The following FGD3 variants were observed in gnomAD, a reference collection of about 807,000 sequenced individuals.
FGD3 encodes the protein FYVE, RhoGEF and PH domain containing 3, also known as FYVE, RhoGEF and PH domain-containing protein 3.
In FGD3, 45 loss-of-function variants were observed where a neutral mutation model predicts 71.8. That is an observed-to-expected ratio of 0.63 (90% CI 0.49 to 0.80). FGD3 has a LOEUF of 0.80. Among genes scored for constraint, FGD3 ranks in the 30% least tolerant of loss-of-function variants. The probability of loss-of-function intolerance (pLI) is 0.00; values close to 1 mark genes in which losing one functional copy is unlikely to be tolerated. For synonymous variants in FGD3, 378 were observed against 392.8 expected (o/e 0.96, Z 0.44); for missense variants, 844 against 951.5 (o/e 0.89, Z 1.49).
chr9:92,996,333 A>C lies in FGD3; in HGVS notation c.454-6592A>C, dbSNP rs1241085018. Among the ~76,000 whole-genome samples, 4 of 152,180 alleles carry C rather than the reference A, an allele frequency of 2.6e-5. No homozygotes were observed. The East Asian group carries it at 5.8e-4, about 22-fold the overall frequency. ...TGGGATCGGTGGTGATATCCTCTTT[A>C]TCATTTTTTATTGCTATTTGATTTT... On this transcript the variant is annotated intron_variant, in intron 3 of 17. Transcript: ENST00000375482.
chr9:92,954,587 G>A (rs941119990), intron 1 of FGD3, among the ~76,000 whole-genome samples: 8 of 152,228 alleles, frequency 5.3e-5, no homozygotes, highest in African/African-American at 1.4e-4. Context: ...GAGGGTCTCT[G>A]CAGGCCAGAG....
At chr9:92,968,599 C>CTT (rs1564143464) in intron 1 of FGD3, among the ~76,000 whole-genome samples, 1 of 98,998 alleles carries the variant, frequency 1.0e-5, no homozygotes, top group South Asian at 3.7e-4. Context: ...TTTCTTTTTT[C>CTT]TTTCTTTCTT....
intron 1 of FGD3, among the ~76,000 whole-genome samples, chr9:92,962,204 T>C (rs1033620650): frequency 2.0e-5 from 3 of 152,236 alleles, no homozygotes; most frequent in Admixed American, 6.5e-5. Flanking sequence ...GTTCCTTACC[T>C]ACCACAACCC....
intron 3 of FGD3, among the ~76,000 whole-genome samples, chr9:93,001,381 TAGA>T (rs1395411310): frequency 1.1e-4 from 16 of 152,226 alleles, no homozygotes; most frequent in Non-Finnish European, 4.4e-5. Flanking sequence ...TTGTTTCATC[TAGA>T]AGGTCAGAAG....
rs1460437647 is a variant in FGD3 at position 93,010,357 on chromosome 9, G to C, written c.949G>C (p.Asp317His). 6.2e-7 allele frequency: 1 copy of C among 1,612,914 alleles called. No homozygotes were observed. Among genetic ancestry groups the C allele is most frequent in the Non-Finnish European group, 8.5e-7 (1 of 1,179,206 alleles). ...GGACTATCTGAAGAGGCTCCCGCAG[G>C]ACGCCCCAGACCGGAAGGATGCGGA... ...LKDYLKRLPQ[D>H]APDRKDAERS... The change falls in exon 7 of 18, where the codon GAC becomes CAC. Residue 317 changes from aspartate to histidine, a missense_variant. Coordinates refer to ENST00000375482, the MANE Select transcript of FGD3 (RefSeq NM_001083536.2).
intron 1 of FGD3, among the ~76,000 whole-genome samples, chr9:92,949,709 G>T (rs1858918877): frequency 6.6e-6 from 1 of 152,172 alleles, no homozygotes; most frequent in Non-Finnish European, 1.5e-5. Flanking sequence ...TGTGGTCCAA[G>T]AAGAGGCGAG....
intron 1 of FGD3, among the ~76,000 whole-genome samples, chr9:92,962,420 C>T (rs939777627): frequency 6.6e-6 from 1 of 152,208 alleles, no homozygotes; most frequent in African/African-American, 2.4e-5. Flanking sequence ...TGCTGTCCTT[C>T]CTGGCCTGGG....
At chr9:92,979,521 G>A (rs1420438310) in intron 3 of FGD3, among the ~76,000 whole-genome samples, 1 of 152,036 alleles carries the variant, frequency 6.6e-6, no homozygotes, top group Admixed American at 6.6e-5. Flanking sequence ...TTTTGTTGAG[G>A]TCTTTTGCAT....
chr9:92,979,556 C>T (rs1168655711), intron 3 of FGD3, among the ~76,000 whole-genome samples: 5 of 151,994 alleles, frequency 3.3e-5, no homozygotes, highest in Non-Finnish European at 7.4e-5. Context: ...GATATTGGCC[C>T]GTAGTTTTAT....
At position 93,007,751 on chromosome 9, in the gene FGD3, G is replaced by A. The variant is rs989589580; in HGVS notation, c.837+1571G>A. Among the ~76,000 whole-genome samples, 9 of 152,302 alleles carry A rather than the reference G, an allele frequency of 5.9e-5. No individual in the cohort carries two copies. The South Asian group carries it at 1.7e-3, about 28-fold the overall frequency. On this transcript the variant is annotated intron_variant, in intron 6 of 17. Coordinates refer to ENST00000375482, the MANE Select transcript of FGD3 (RefSeq NM_001083536.2). ...AGGCAGGCTGTGGGGAGGGCTCTCC[G>A]CCTGGACTCAGTACCATCCAGCCAT...
chr9:93,010,956 AGGCAGCCCG>A lies in FGD3; in HGVS notation c.977-256_977-248del, dbSNP rs145323011. ...AAGGGCAGCAACTGGTGTGGCTGGC[AGGCAGCCCG>A]GACAGGCGTCTGTGCAGAATCGTGG... On this transcript the variant is annotated intron_variant, in intron 7 of 17. Transcript: ENST00000375482. 0.018 allele frequency among the ~76,000 whole-genome samples: 2,805 copies of A among 152,182 alleles called. 225 individuals are homozygous for A. The East Asian group carries it at 0.26, about 14-fold the overall frequency.
intron 1 of FGD3, among the ~76,000 whole-genome samples, chr9:92,968,483 C>A (rs1341660943): frequency 1.3e-5 from 2 of 152,100 alleles, no homozygotes; most frequent in African/African-American, 4.8e-5. Context: ...CCTCCTCCAT[C>A]CACTCCCACA....
chr9:93,009,603 T>C (rs909807061), intron 6 of FGD3, among the ~76,000 whole-genome samples: 6 of 152,156 alleles, frequency 3.9e-5, no homozygotes, highest in Middle Eastern at 3.4e-3. Flanking sequence ...AGGCGACAGG[T>C]GGGCAGCATT....
intron 14 of FGD3, among the ~76,000 whole-genome samples, chr9:93,022,886 G>A (rs376662099): frequency 1.3e-5 from 2 of 152,256 alleles, no homozygotes; most frequent in African/African-American, 2.4e-5. Flanking sequence ...CTGTGTTCTC[G>A]TGTGCCTTAT....
At chr9:92,982,079 ACTC>A (rs1266803190) in intron 3 of FGD3, among the ~76,000 whole-genome samples, 2 of 151,864 alleles carry the variant, frequency 1.3e-5, no homozygotes, top group East Asian at 3.9e-4. Context: ...ACTGGAAATT[ACTC>A]CTTTTATCTA....
At chr9:92,971,795 G>A (rs898917915) in intron 1 of FGD3, among the ~76,000 whole-genome samples, 1 of 151,826 alleles carries the variant, frequency 6.6e-6, no homozygotes, top group Non-Finnish European at 1.5e-5. Flanking sequence ...TACCATTGAT[G>A]CATAATGTTT....
chr9:93,030,440 G>A (rs1862310417), intron 15 of FGD3, among the ~76,000 whole-genome samples: 1 of 152,142 alleles, frequency 6.6e-6, no homozygotes, highest in Non-Finnish European at 1.5e-5. Flanking sequence ...CCTCCGACTG[G>A]CGCCCCAGCT....
rs1861699845 is a variant in FGD3, at chr9:93,016,505, T to G, written c.1275+676T>G. ...GGTGTGTGCCACCACACCCAGCTAATTTTTGTATTTTTAGTAGAGAAGGGG... is the reference window on the plus strand; with the variant it reads ...GGTGTGTGCCACCACACCCAGCTAAGTTTTGTATTTTTAGTAGAGAAGGGG... On this transcript the variant is annotated intron_variant, in intron 10 of 17. Transcript: ENST00000375482. Among the ~76,000 whole-genome samples, 3 of 150,794 alleles carry G rather than the reference T, an allele frequency of 2.0e-5. No individual in the cohort carries two copies. The South Asian group carries it at 6.3e-4, about 32-fold the overall frequency.
intron 3 of FGD3, among the ~76,000 whole-genome samples, chr9:92,979,537 G>T (rs4744161): frequency 0.71 from 107,622 of 152,114 alleles, 39,192 homozygotes; most frequent in African/African-American, 0.89. Flanking sequence ...TGCATCAATA[G>T]TCATCAGGGA....
Sources: allele counts gnomAD v4.1 joint callset (sites outside exome capture counted in the v4.1 genomes callset), GRCh38; gene constraint gnomAD v4.1.1; transcripts MANE v1.5; gene names NCBI Gene and HGNC (gene_info 2026-07-23, HGNC 2026-07-21).